CABYR: variants seen among roughly 807,000 people sequenced by gnomAD.
CABYR encodes the protein calcium-binding tyrosine phosphorylation-regulated protein.
Under a neutral mutation model 36.1 loss-of-function variants are expected in CABYR, and 31 were observed. The ratio of observed to expected loss-of-function variants is 0.86; its 90% CI spans 0.64 to 1.16. The LOEUF (loss-of-function observed/expected upper bound fraction) is 1.16, where lower values mean the gene tolerates loss of function less well. Ranked by LOEUF, CABYR falls within the 50% of genes most tolerant of loss-of-function variation. The probability of loss-of-function intolerance (pLI) is 0.00; values close to 1 mark genes in which losing one functional copy is unlikely to be tolerated. For missense variants in CABYR, 429 were observed against 455.8 expected, an observed-to-expected ratio of 0.94 and a Z score of 0.53; for synonymous variants, 146 against 160.7, an observed-to-expected ratio of 0.91 and a Z score of 0.69.
chr18:24,146,201 G>A (rs1406316820), intron 3 of CABYR, among the ~76,000 whole-genome samples: 2 of 152,094 alleles, frequency 1.3e-5, no homozygotes, highest in Admixed American at 1.3e-4. Context: ...TGAAAAGATG[G>A]AAAATAGATG....
rs755439239 is a variant in CABYR, at chr18:24,155,973, C to T, written c.472C>T (p.Pro158Ser). 8.1e-6 allele frequency: 13 copies of T among 1,614,196 alleles called. 1 individual carries two copies. In the Admixed American group the frequency reaches 1.2e-4, roughly 14 times the overall value. The change falls in exon 4 of 6, where the codon CCA becomes TCA. Residue 158 changes from proline (P) to serine (S), a missense_variant. Physicochemically the swap from Pro to Ser is moderately conservative, Grantham distance 74 (BLOSUM62 -1). Coordinates refer to ENST00000399496, the MANE Select transcript of CABYR (RefSeq NM_153769.3). Reference sequence around the variant, plus strand: ...TACTACCCCACCCTCATCACCACCTCCAACAGCTGTCTCACCAGAGTTTGC... The same window carrying T: ...TACTACCCCACCCTCATCACCACCTTCAACAGCTGTCTCACCAGAGTTTGC... ...KTTTPPSSPP[P>S]TAVSPEFAYV... is the part of the protein sequence containing the mutation.
chr18:24,159,526 T>C lies in CABYR; in HGVS notation c.596T>C (p.Leu199Pro). 2 of 1,614,076 alleles carry C rather than the reference T, an allele frequency of 1.2e-6. No homozygotes were observed. The highest frequency in any genetic ancestry group is 1.7e-6 in the Non-Finnish European group (2 of 1,180,008). The part of the protein sequence containing the change: ...QPPPCSNMWT[L>P]YCLTDKNQQG... Reference sequence around the variant, plus strand: ...CCACCATGTTCTAACATGTGGACCCTTTATTGTCTAACTGATAAGAATCAA... The same window carrying C: ...CCACCATGTTCTAACATGTGGACCCCTTATTGTCTAACTGATAAGAATCAA... The change falls in exon 5 of 6, where the codon CTT (leucine) becomes CCT (proline). Residue 199 changes from leucine to proline, a missense_variant. Physicochemically the swap from Leu to Pro is moderately conservative, Grantham distance 98. Transcript: ENST00000399496.
rs535044159 is a variant in CABYR at position 24,160,531 on chromosome 18, G to A, written c.1139+462G>A. ...AGAGGCAGTAGATGGAGAGGTGAGA[G>A]GCAGAGTAAAGAGCTAAACAACAGC... On this transcript the variant is annotated intron_variant, in intron 5 of 5. Coordinates refer to ENST00000399496, the MANE Select transcript of CABYR (RefSeq NM_153769.3). Among the ~76,000 whole-genome samples the A allele has an allele frequency of 7.9e-4, 120 of 152,256 alleles. 1 individual carries two copies. The highest frequency in any genetic ancestry group is 2.7e-3 in the African/African-American group (114 of 41,550).
chr18:24,150,246 G>T (rs765728471), intron 3 of CABYR, among the ~76,000 whole-genome samples: 1 of 152,232 alleles, frequency 6.6e-6, no homozygotes, highest in Non-Finnish European at 1.5e-5. Flanking sequence ...GAACCAAGAG[G>T]AGAAGCAAGG....
At chr18:24,142,636 G>C (rs1458212660) in intron 1 of CABYR, among the ~76,000 whole-genome samples, 5 of 125,362 alleles carry the variant, frequency 4.0e-5, no homozygotes, top group African/African-American at 1.3e-4. Context: ...TTGTTAGTAG[G>C]GTTGTGTGTT....
intron 4 of CABYR, among the ~76,000 whole-genome samples, chr18:24,158,964 A>T (rs1390151989): frequency 6.6e-6 from 1 of 152,186 alleles, no homozygotes; most frequent in African/African-American, 2.4e-5. Context: ...GTGACGTTTT[A>T]TGTGTGGTAA....
intron 3 of CABYR, 103 bp from the exon 4 acceptor site, chr18:24,155,598 A>G: frequency 1.2e-6 from 1 of 857,244 alleles, no homozygotes; most frequent in Non-Finnish European, 1.8e-6. Flanking sequence ...CTGGGATTAC[A>G]GGCATGAGCC....
chr18:24,149,723 G>A (rs1466244792), intron 3 of CABYR, among the ~76,000 whole-genome samples: 1 of 152,246 alleles, frequency 6.6e-6, no homozygotes, highest in Non-Finnish European at 1.5e-5. Context: ...AAGGCCCGGC[G>A]AGAAATCAAG....
chr18:24,160,135 C>G, intron 5 of CABYR, 66 bp downstream of exon 5: 2 of 1,092,548 alleles, frequency 1.8e-6, no homozygotes, highest in Non-Finnish European at 2.7e-6. Context: ...ATTTTGATTT[C>G]TTGACCTGGA....
chr18:24,143,133 A>T lies in CABYR; in HGVS notation c.19A>T (p.Arg7Ter), dbSNP rs779796982. ...TGCCAAAATGATTTCTTCAAAGCCC[A>T]GACTTGTCGTACCCTATGGCCTCAA... The part of the protein sequence containing the change: MISSKP[R>*]LVVPYGLKTL... The change falls in exon 2 of 6, where the codon AGA (arginine) becomes TGA (stop). Residue 7 changes from arginine (R) to a stop codon, truncating the protein, a stop_gained. Coordinates refer to ENST00000399496, the MANE Select transcript of CABYR (RefSeq NM_153769.3). LOFTEE classifies it high-confidence loss of function. 6.2e-7 allele frequency: 1 copy of T among 1,610,442 alleles called. No individual in the cohort carries two copies. Among genetic ancestry groups the T allele is most frequent in the Non-Finnish European group, 8.5e-7 (1 of 1,178,870 alleles).
chr18:24,146,761 G>A (rs2145859784), intron 3 of CABYR, among the ~76,000 whole-genome samples: 1 of 152,228 alleles, frequency 6.6e-6, no homozygotes, highest in South Asian at 2.1e-4. Context: ...AGGCGGAGGG[G>A]TAAAAGGGCA....
intron 1 of CABYR, among the ~76,000 whole-genome samples, chr18:24,141,361 G>A (rs1408558522): frequency 6.6e-6 from 1 of 152,190 alleles, no homozygotes; most frequent in African/African-American, 2.4e-5. Flanking sequence ...ATTATTTACT[G>A]TAGGGATGTT....
At chr18:24,156,981 T>A in intron 4 of CABYR, 1 of 1,604,382 alleles carries the variant, frequency 6.2e-7, no homozygotes, top group South Asian at 1.1e-5. Context: ...AACAGCTGAA[T>A]AAGGTTTGAT....
At chr18:24,158,897 A>T (rs1054221902) in intron 4 of CABYR, among the ~76,000 whole-genome samples, 4 of 152,144 alleles carry the variant, frequency 2.6e-5, no homozygotes, top group African/African-American at 9.7e-5. Flanking sequence ...CCTAGGATCT[A>T]TGATTTCAAG....
chr18:24,146,563 A>G (rs1385250811), intron 3 of CABYR, among the ~76,000 whole-genome samples: 2 of 144,216 alleles, frequency 1.4e-5, no homozygotes, highest in Admixed American at 6.7e-5. Context: ...AAAAAGGTCT[A>G]TGTCATTGCA....
At chr18:24,150,508 T>G (rs2085593089) in intron 3 of CABYR, 1 of 704,686 alleles carries the variant, frequency 1.4e-6, no homozygotes, top group African/African-American at 1.9e-5. Context: ...CAGAATGAGA[T>G]CTTTAGGAAG....
intron 4 of CABYR, among the ~76,000 whole-genome samples, chr18:24,158,063 A>AT (rs1191481285): frequency 6.6e-6 from 1 of 152,166 alleles, no homozygotes; most frequent in Non-Finnish European, 1.5e-5. Context: ...GACTGGCACT[A>AT]TATTTGTGGC....
chr18:24,142,791 G>A (rs1280229794), intron 1 of CABYR, among the ~76,000 whole-genome samples: 1 of 151,876 alleles, frequency 6.6e-6, no homozygotes, highest in Non-Finnish European at 1.5e-5. Context: ...TAGTCACTTT[G>A]GGAGGCCGAG....
chr18:24,159,729 G>T lies in CABYR; in HGVS notation c.799G>T (p.Val267Phe), dbSNP rs760339635. 1 of 1,613,764 alleles carries T rather than the reference G, an allele frequency of 6.2e-7. No individual in the cohort carries two copies. Among genetic ancestry groups the T allele is most frequent in the African/African-American group, 1.3e-5 (1 of 74,800 alleles). ...APPFILVGSN[V>F]QEAQGWKPLP... ...ACCTTTTATCTTAGTAGGCTCAAAT[G>T]TTCAGGAAGCACAGGGATGGAAACC... is the stretch of plus-strand genomic sequence containing the variant. The change falls in exon 5 of 6, where the codon GTT (valine) becomes TTT (phenylalanine). Residue 267 changes from valine (V) to phenylalanine (F), a missense_variant. Physicochemically the swap from Val to Phe is conservative, Grantham distance 50. Coordinates refer to ENST00000399496, the MANE Select transcript of CABYR (RefSeq NM_153769.3).
Sources: gnomAD v4.1 joint callset for allele counts (sites outside exome capture counted in the v4.1 genomes callset) on GRCh38, gnomAD v4.1.1 for gene constraint, MANE v1.5 for transcripts, NCBI Gene and HGNC (gene_info 2026-07-23, HGNC 2026-07-21) for gene names.